Variants in DOCK3 observed in about 807,000 individuals in gnomAD.
DOCK3 encodes dedicator of cytokinesis 3.
A neutral mutation model predicts 265.6 loss-of-function variants in DOCK3; 60 were observed. The observed-to-expected ratio is 0.23, with a 90% CI of 0.18 to 0.28. The LOEUF (loss-of-function observed/expected upper bound fraction) is 0.28. DOCK3 is among the 10% of genes least tolerant of loss of function. DOCK3 has a pLI of 1.00. For synonymous variants in DOCK3, 881 were observed against 938.0 expected, an observed-to-expected ratio of 0.94 and a Z score of 1.11; for missense variants, 1,981 against 2,594.3, an observed-to-expected ratio of 0.76 and a Z score of 5.14.
At position 51,362,535 on chromosome 3, in the gene DOCK3, T is replaced by C; in HGVS notation, c.5154T>C (p.Tyr1718=). The C allele has an allele frequency of 6.2e-7, 1 of 1,613,942 alleles. No homozygotes were observed. The highest frequency in any genetic ancestry group is 8.5e-7 in the Non-Finnish European group (1 of 1,179,882). Residue 1718 remains tyrosine, a synonymous_variant, in exon 49 of 53, where the codon TAT becomes TAC. Coordinates refer to ENST00000266037, the MANE Select transcript of DOCK3 (RefSeq NM_004947.5). ...TTTTTCTCCCTTTGCAGCTCGCGTA[T>C]CCCAACCCCAGGTACCAAGGCTCAG... is the stretch of plus-strand genomic sequence containing the variant. The part of the protein sequence containing the change: ...EDLYHHMQLA[Y]PNPRYQGSVT...
At chr3:50,969,013 A>G (rs981430917) in intron 5 of DOCK3, among the ~76,000 whole-genome samples, 6 of 152,136 alleles carry the variant, frequency 3.9e-5, no homozygotes, top group Non-Finnish European at 5.9e-5. Flanking sequence ...CTGGAGTCCA[A>G]TTTAAGTCCA....
At chr3:51,136,215 T>C (rs1218094173) in intron 9 of DOCK3, among the ~76,000 whole-genome samples, 1 of 151,652 alleles carries the variant, frequency 6.6e-6, no homozygotes, top group East Asian at 1.9e-4. Context: ...TCCAGTAGTT[T>C]GTCGGTGCCC....
Position 50,999,028 on chromosome 3 carries a change from G to A in DOCK3, c.315+64951G>A, listed in dbSNP as rs986528424. 1.6e-4 allele frequency among the ~76,000 whole-genome samples: 25 copies of A among 152,230 alleles called. No homozygotes were observed. The East Asian group carries it at 3.9e-3, about 24-fold the overall frequency. ...TTAGGCTCATTTAACTAACACTAAT[G>A]TTCCTCTAGAAATTAAAAAGAGTTA... On this transcript the variant is annotated intron_variant, in intron 5 of 52. Transcript: ENST00000266037.
At chr3:51,324,003 G>T (rs1285662950) in intron 32 of DOCK3, among the ~76,000 whole-genome samples, 1 of 152,168 alleles carries the variant, frequency 6.6e-6, no homozygotes, top group Admixed American at 6.6e-5. Context: ...CATTCCCTTT[G>T]AAAACCGGCA....
At chr3:51,081,190 T>A (rs963449428) in intron 7 of DOCK3, among the ~76,000 whole-genome samples, 1 of 152,184 alleles carries the variant, frequency 6.6e-6, no homozygotes, top group Non-Finnish European at 1.5e-5. Context: ...AATATATGTG[T>A]TTGGAAAAGA....
chr3:50,877,628 C>G, intron 3 of DOCK3: 3 of 455,994 alleles, frequency 6.6e-6, no homozygotes, highest in Non-Finnish European at 1.3e-5. Context: ...GCACCATTAT[C>G]TAGGGCTTCA....
intron 3 of DOCK3, among the ~76,000 whole-genome samples, chr3:50,865,254 A>G (rs1559741485): frequency 2.0e-5 from 3 of 152,086 alleles, no homozygotes; most frequent in African/African-American, 4.8e-5. Context: ...CATTCTCCCT[A>G]TTTGTTTATA....
At chr3:50,855,225 G>T (rs182872289) in intron 3 of DOCK3, among the ~76,000 whole-genome samples, 63 of 152,182 alleles carry the variant, frequency 4.1e-4, no homozygotes, top group African/African-American at 1.3e-3. Context: ...TGGGCAGCAT[G>T]GTCATTTTAA....
chr3:50,915,923 A>G (rs1444454987), intron 4 of DOCK3, among the ~76,000 whole-genome samples: 2 of 151,896 alleles, frequency 1.3e-5, no homozygotes, highest in East Asian at 3.9e-4. Context: ...GGGGTCTAAC[A>G]GTTGCTCTCA....
At chr3:51,104,586 C>T (rs182550923) in intron 9 of DOCK3, among the ~76,000 whole-genome samples, 4 of 152,256 alleles carry the variant, frequency 2.6e-5, no homozygotes, top group East Asian at 3.9e-4. Context: ...AAAATGTTAA[C>T]AGTGATTATG....
chr3:50,715,543 G>A (rs754013350), intron 1 of DOCK3, among the ~76,000 whole-genome samples: 3 of 151,920 alleles, frequency 2.0e-5, no homozygotes, highest in Non-Finnish European at 4.4e-5. Flanking sequence ...AGAGCAAGAC[G>A]CTGCCTCAGA....
chr3:51,377,816 G>A (rs2088260619), intron 51 of DOCK3, among the ~76,000 whole-genome samples: 1 of 152,254 alleles, frequency 6.6e-6, no homozygotes, highest in Non-Finnish European at 1.5e-5. Flanking sequence ...TTGAGCCCTT[G>A]TGGGTGAACA....
At chr3:51,261,911 C>A (rs2079871911) in intron 23 of DOCK3, among the ~76,000 whole-genome samples, 1 of 152,198 alleles carries the variant, frequency 6.6e-6, no homozygotes, top group Non-Finnish European at 1.5e-5. Context: ...ACAGCAGGCC[C>A]AGTCAGGGGC....
chr3:51,156,917 A>G (rs1383492191), intron 10 of DOCK3, among the ~76,000 whole-genome samples: 1 of 152,216 alleles, frequency 6.6e-6, no homozygotes, highest in Non-Finnish European at 1.5e-5. Flanking sequence ...ACATTTCTAT[A>G]TCCTTCAGTA....
intron 5 of DOCK3, among the ~76,000 whole-genome samples, chr3:50,996,166 A>G (rs936883089): frequency 7.9e-5 from 12 of 151,082 alleles, no homozygotes; most frequent in African/African-American, 2.9e-4. Context: ...GAGCCACTGC[A>G]TCTGGCCGTA....
intron 46 of DOCK3, 114 bp downstream of exon 46, chr3:51,358,191 G>A: frequency 9.7e-7 from 1 of 1,033,390 alleles, no homozygotes; most frequent in Non-Finnish European, 1.4e-6. Flanking sequence ...AGGGGCCGGG[G>A]TTGGGGAGAG....
chr3:50,841,738 C>CTTTTTTTTTTCTTTTTTTTT, intron 3 of DOCK3, 23 bp downstream of exon 3: 2 of 536,468 alleles, frequency 3.7e-6, no homozygotes, highest in Non-Finnish European at 6.0e-6. Flanking sequence ...TTATTGTTAC[C>CTTTTTTTTTTCTTTTTTTTT]TTTTCTAATG....
intron 5 of DOCK3, among the ~76,000 whole-genome samples, chr3:51,063,531 CT>C (rs2081493662): frequency 6.6e-6 from 1 of 152,064 alleles, no homozygotes; most frequent in South Asian, 2.1e-4. Context: ...TGGCAAACAT[CT>C]TTTTTAGGGT....
At chr3:51,314,844 A>G in intron 31 of DOCK3, 136 bp from the exon 32 acceptor site, 1 of 1,095,834 alleles carries the variant, frequency 9.1e-7, no homozygotes, top group East Asian at 3.2e-5. Flanking sequence ...AGAGTACCTC[A>G]GAAAACCATA....
Sources: allele counts gnomAD v4.1 joint callset (sites outside exome capture counted in the v4.1 genomes callset), GRCh38; gene constraint gnomAD v4.1.1; transcripts MANE v1.5; gene names NCBI Gene and HGNC (gene_info 2026-07-23, HGNC 2026-07-21).